Variants in NDRG3 observed in about 807,000 individuals in gnomAD.
NDRG3 encodes the protein protein NDRG3.
In NDRG3, 23 loss-of-function variants were observed where a neutral mutation model predicts 57.2. The observed-to-expected ratio is 0.40, with a 90% CI of 0.29 to 0.57. NDRG3 has a LOEUF of 0.57. Ranked by LOEUF, NDRG3 falls within the 20% of genes least tolerant of loss-of-function variation. NDRG3 has a pLI of 0.42. For missense variants in NDRG3, 384 were observed against 457.3 expected, an observed-to-expected ratio of 0.84 and a Z score of 1.46; for synonymous variants, 132 against 162.6, an observed-to-expected ratio of 0.81 and a Z score of 1.43.
In NDRG3 at chr20:36,671,326, G is replaced by A; in HGVS notation, c.588+15C>T. On this transcript the variant is annotated intron_variant, in intron 9 of 15. Transcript: ENST00000349004. ...GCCAATAAACACAGCTCTTCTGGGT[G>A]GAACAGGTACTTACCTGCCCAAAGT... 1 of 1,606,710 alleles carries A rather than the reference G, an allele frequency of 6.2e-7. No homozygotes were observed. Among genetic ancestry groups the A allele is most frequent in the Non-Finnish European group, 8.5e-7 (1 of 1,174,436 alleles).
chr20:36,711,571 A>G (rs1983881750), intron 2 of NDRG3, among the ~76,000 whole-genome samples: 1 of 152,192 alleles, frequency 6.6e-6, no homozygotes, highest in African/African-American at 2.4e-5. Flanking sequence ...GACCATGACC[A>G]TGAGGCATTC....
intron 3 of NDRG3, among the ~76,000 whole-genome samples, chr20:36,689,658 T>C (rs1031473239): frequency 2.6e-5 from 4 of 151,694 alleles, no homozygotes; most frequent in African/African-American, 9.7e-5. Context: ...CATAGCTTAC[T>C]GGAGTCAGGG....
intron 1 of NDRG3, among the ~76,000 whole-genome samples, chr20:36,725,622 A>G (rs190014142): frequency 1.3e-3 from 191 of 151,906 alleles, no homozygotes; most frequent in Non-Finnish European, 2.1e-3. Context: ...AAAAAAAGAA[A>G]AAAAAGAAAA....
At chr20:36,704,199 C>T (rs1289002599) in intron 3 of NDRG3, among the ~76,000 whole-genome samples, 1 of 152,136 alleles carries the variant, frequency 6.6e-6, no homozygotes, top group South Asian at 2.1e-4. Flanking sequence ...GCCTCAGCCT[C>T]CTGAGTAGCT....
At chr20:36,729,597 G>A (rs111475784) in intron 1 of NDRG3, among the ~76,000 whole-genome samples, 2 of 151,602 alleles carry the variant, frequency 1.3e-5, no homozygotes, top group South Asian at 2.1e-4. Flanking sequence ...GCACAATCTC[G>A]GCTACCTGCA....
chr20:36,717,307 A>G (rs1984331938), intron 2 of NDRG3, among the ~76,000 whole-genome samples: 1 of 152,264 alleles, frequency 6.6e-6, no homozygotes, highest in Non-Finnish European at 1.5e-5. Context: ...AAGTCATCTC[A>G]GGACAAATTT....
At chr20:36,740,896 C>T (rs1310616112) in intron 1 of NDRG3, among the ~76,000 whole-genome samples, 1 of 152,044 alleles carries the variant, frequency 6.6e-6, no homozygotes, top group East Asian at 1.9e-4. Context: ...TTTAAAAATT[C>T]ATTTACCAAA....
intron 5 of NDRG3, among the ~76,000 whole-genome samples, chr20:36,686,835 T>C (rs1308289496): frequency 3.3e-5 from 5 of 152,168 alleles, no homozygotes; most frequent in Non-Finnish European, 7.4e-5. Context: ...TGGGCCTAAG[T>C]AGTTGGGAGT....
chr20:36,710,772 CA>C (rs1319100292), intron 2 of NDRG3, among the ~76,000 whole-genome samples: 1 of 148,696 alleles, frequency 6.7e-6, no homozygotes, highest in African/African-American at 2.5e-5. Flanking sequence ...GAGATCGTGC[CA>C]CTGCACTCCA....
intron 2 of NDRG3, among the ~76,000 whole-genome samples, chr20:36,713,946 C>T (rs893082007): frequency 6.6e-6 from 1 of 151,986 alleles, no homozygotes; most frequent in Non-Finnish European, 1.5e-5. Flanking sequence ...AAAAGCCATA[C>T]ACAAAAAAGA....
intron 1 of NDRG3, among the ~76,000 whole-genome samples, chr20:36,729,968 C>T (rs192168871): frequency 1.2e-4 from 18 of 151,746 alleles, no homozygotes; most frequent in African/African-American, 3.9e-4. Flanking sequence ...TTTTAGGGGC[C>T]GGGCACGGTG....
chr20:36,658,489 T>C (rs1395298763), intron 13 of NDRG3, among the ~76,000 whole-genome samples: 1 of 152,230 alleles, frequency 6.6e-6, no homozygotes, highest in East Asian at 1.9e-4. Context: ...CCTCAGAGCA[T>C]TAACTTCACA....
chr20:36,660,560 A>ATT (rs1428018613), intron 12 of NDRG3, among the ~76,000 whole-genome samples, 176 bp from the exon 13 acceptor site: 3 of 149,872 alleles, frequency 2.0e-5, no homozygotes, highest in African/African-American at 7.5e-5. Context: ...TTATTTATTT[A>ATT]TTTATTTATT....
rs6028747 is a variant in NDRG3, at chr20:36,682,577, G to A, written c.385C>T (p.Leu129=). Residue 129 remains leucine, a splice_region_variant and synonymous_variant, in exon 7 of 16, where the codon CTG becomes TTG. Transcript: ENST00000349004. ...MLPPVLTHLS[L]KSIIGIGVGA... ...ACTCCAATTCCAATGATGCTTTTCA[G>A]GCTGTGAATGGGACATAACGACAAC... The A allele has an allele frequency of 1.2e-6, 2 of 1,613,708 alleles. No homozygotes were observed. Among genetic ancestry groups the A allele is most frequent in the Non-Finnish European group, 1.7e-6 (2 of 1,179,696 alleles).
chr20:36,663,785 A>T (rs1010554283), intron 12 of NDRG3, among the ~76,000 whole-genome samples: 2 of 152,190 alleles, frequency 1.3e-5, no homozygotes, highest in East Asian at 3.8e-4. Flanking sequence ...TTTCCTAAGG[A>T]TGTTCAACAG....
chr20:36,681,249 G>A (rs1469171041), intron 7 of NDRG3, among the ~76,000 whole-genome samples: 1 of 152,030 alleles, frequency 6.6e-6, no homozygotes, highest in African/African-American at 2.4e-5. Context: ...CTCAACAGAG[G>A]CTTCTGAAGT....
intron 1 of NDRG3, among the ~76,000 whole-genome samples, chr20:36,731,907 G>A (rs1185952402): frequency 1.3e-5 from 2 of 151,928 alleles, no homozygotes; most frequent in African/African-American, 2.4e-5. Context: ...GATCACTTGA[G>A]TCCAGGAGCT....
At chr20:36,681,584 C>T (rs1315139501) in intron 7 of NDRG3, among the ~76,000 whole-genome samples, 2 of 136,834 alleles carry the variant, frequency 1.5e-5, no homozygotes, top group East Asian at 2.1e-4. Flanking sequence ...TGCAGTGAGC[C>T]GAGATTGCAC....
chr20:36,719,932 T>C (rs1282691266), intron 2 of NDRG3, among the ~76,000 whole-genome samples: 5 of 151,664 alleles, frequency 3.3e-5, no homozygotes, highest in African/African-American at 1.2e-4. Context: ...CTGACCAACA[T>C]GGTGAAACCC....
Sources: gnomAD v4.1 joint callset for allele counts (sites outside exome capture counted in the v4.1 genomes callset) on GRCh38, gnomAD v4.1.1 for gene constraint, MANE v1.5 for transcripts, NCBI Gene and HGNC (gene_info 2026-07-23, HGNC 2026-07-21) for gene names.